Variants in ARHGAP6 observed in about 807,000 individuals in gnomAD.
ARHGAP6 encodes the protein rho GTPase-activating protein 6.
A neutral mutation model predicts 55.7 loss-of-function variants in ARHGAP6; 16 were observed. The ratio of observed to expected loss-of-function variants is 0.29; its 90% CI spans 0.19 to 0.44. The LOEUF is 0.44. Among genes scored for constraint, ARHGAP6 ranks in the 20% least tolerant of loss-of-function variants. The pLI is 1.00. For synonymous variants in ARHGAP6, 382 were observed against 360.9 expected, an observed-to-expected ratio of 1.06 and a Z score of -0.66; for missense variants, 698 against 808.9, an observed-to-expected ratio of 0.86 and a Z score of 1.66.
chrX:11,399,476 A>T (rs1172591719), intron 1 of ARHGAP6, among the ~76,000 whole-genome samples: 1 of 111,451 alleles, frequency 9.0e-6, no homozygotes, highest in Non-Finnish European at 1.9e-5. Context: ...GGGATAATCA[A>T]TCCTGAGGAC....
chrX:11,429,097 T>C (rs892982527), intron 1 of ARHGAP6, among the ~76,000 whole-genome samples: 1 of 112,414 alleles, frequency 8.9e-6, no homozygotes, highest in African/African-American at 3.2e-5. Flanking sequence ...AAACCAACTG[T>C]AGTCTGTGCA....
At position 11,184,996 on chromosome X, in the gene ARHGAP6, T is replaced by C. The variant is rs189709771; in HGVS notation, c.1273+1240A>G. On this transcript the variant is annotated intron_variant, in intron 5 of 12. Transcript: ENST00000337414. Reference sequence around the variant, plus strand: ...CTGTACAGCATGCGACTGTGCTGAATACTGTAGGTAACTGTAACAAAATCT... The same window carrying C: ...CTGTACAGCATGCGACTGTGCTGAACACTGTAGGTAACTGTAACAAAATCT... Among the ~76,000 whole-genome samples the C allele has an allele frequency of 5.0e-4, 56 of 112,384 alleles. 1 individual carries two copies. The Middle Eastern group carries it at 0.027, about 55-fold the overall frequency.
At chrX:11,247,177 T>G (rs903865336) in intron 2 of ARHGAP6, among the ~76,000 whole-genome samples, 4 of 111,741 alleles carry the variant, frequency 3.6e-5, no homozygotes, top group Non-Finnish European at 7.5e-5. Flanking sequence ...ATTGGGGTAC[T>G]CTTTTATGAG....
Position 11,139,221 on chromosome X carries a change from A to G in ARHGAP6, c.2567T>C (p.Val856Ala), listed in dbSNP as rs1210932113. The G allele has an allele frequency of 8.3e-7, 1 of 1,200,466 alleles. No homozygotes were observed. ...TGTGGCCCGGCTCTGCAGCCCGGCCACATCCAGCTCACTCTCGCTGAGGTC... is the reference window on the plus strand; with the variant it reads ...TGTGGCCCGGCTCTGCAGCCCGGCCGCATCCAGCTCACTCTCGCTGAGGTC... ...AHDLSESELD[V>A]AGLQSRATPQ... is the part of the protein sequence containing the mutation. Residue 856 changes from valine (V) to alanine (A), a missense_variant, in exon 13 of 13, where the codon GTG becomes GCG. By Grantham distance (64) the Val-to-Ala change is moderately conservative. Coordinates refer to ENST00000337414, the MANE Select transcript of ARHGAP6 (RefSeq NM_013427.3).
At chrX:11,370,505 T>C (rs2049131500) in intron 1 of ARHGAP6, among the ~76,000 whole-genome samples, 2 of 111,784 alleles carry the variant, frequency 1.8e-5, no homozygotes, top group Non-Finnish European at 3.8e-5. Context: ...GTTCTTTCTC[T>C]CTGGGTAGAG....
chrX:11,483,881 G>T (rs1352439989), intron 1 of ARHGAP6, among the ~76,000 whole-genome samples: 1 of 111,512 alleles, frequency 9.0e-6, no homozygotes, highest in African/African-American at 3.3e-5. Flanking sequence ...TTTAGTGGAA[G>T]AAGTTAAAGC....
intron 1 of ARHGAP6, among the ~76,000 whole-genome samples, chrX:11,514,663 G>T (rs766677297): frequency 9.0e-6 from 1 of 110,933 alleles, no homozygotes; most frequent in Non-Finnish European, 1.9e-5. Context: ...GGCTTCACTC[G>T]TCTAGTTATC....
rs779309630 is a variant in ARHGAP6 at position 11,349,144 on chromosome X, A to G, written c.589-94437T>C. Reference sequence around the variant, plus strand: ...GAGACAGAGTTAGGATAAGCATTTTACTATTGGTGGGGGATTGAAAACTTA... The same window carrying G: ...GAGACAGAGTTAGGATAAGCATTTTGCTATTGGTGGGGGATTGAAAACTTA... On this transcript the variant is annotated intron_variant, in intron 1 of 12. Coordinates refer to ENST00000337414, the MANE Select transcript of ARHGAP6 (RefSeq NM_013427.3). Among the ~76,000 whole-genome samples the G allele has an allele frequency of 2.8e-4, 31 of 109,138 alleles. 1 individual carries two copies. The highest frequency in any genetic ancestry group is 4.9e-4 in the Non-Finnish European group (26 of 52,589). The allele number at this position is 109,138 out of a possible 115,157, so 94.8% of individuals were successfully genotyped here.
chrX:11,202,542 T>C (rs1247263035), intron 2 of ARHGAP6, among the ~76,000 whole-genome samples: 5 of 110,989 alleles, frequency 4.5e-5, no homozygotes, highest in Non-Finnish European at 9.4e-5. Context: ...GCATGGTGGT[T>C]CACACCTGTA....
intron 1 of ARHGAP6, among the ~76,000 whole-genome samples, chrX:11,531,819 G>A (rs2051052593): frequency 8.9e-6 from 1 of 112,346 alleles, no homozygotes; most frequent in Non-Finnish European, 1.9e-5. Flanking sequence ...TGATTACAGA[G>A]ATGAAGAAAC....
intron 1 of ARHGAP6, among the ~76,000 whole-genome samples, chrX:11,442,554 G>A (rs891434306): frequency 3.6e-5 from 4 of 111,577 alleles, no homozygotes; most frequent in South Asian, 3.8e-4. Context: ...AAACAGAAAC[G>A]GGGGAAAAAA....
At chrX:11,613,518 A>G (rs1308694410) in intron 1 of ARHGAP6, among the ~76,000 whole-genome samples, 1 of 112,238 alleles carries the variant, frequency 8.9e-6, no homozygotes, top group Non-Finnish European at 1.9e-5. Context: ...AGCTAGTTCA[A>G]TCAGCTTAGA....
chrX:11,578,920 T>C (rs906727823), intron 1 of ARHGAP6, among the ~76,000 whole-genome samples: 2 of 109,373 alleles, frequency 1.8e-5, no homozygotes, highest in Admixed American at 9.9e-5. Context: ...CTGAGCAAAC[T>C]GTCGCAAGGA....
intron 1 of ARHGAP6, among the ~76,000 whole-genome samples, chrX:11,322,363 A>ATTT (rs199560581): frequency 7.9e-4 from 84 of 106,219 alleles, no homozygotes; most frequent in African/African-American, 2.8e-3. Context: ...CTGATAGCAT[A>ATTT]TTTTTCTTTT....
chrX:11,560,465 C>T (rs2051373620), intron 1 of ARHGAP6, among the ~76,000 whole-genome samples: 1 of 112,212 alleles, frequency 8.9e-6, no homozygotes, highest in Admixed American at 9.4e-5. Context: ...AGGGAAAAGC[C>T]TATGTAGGAC....
rs180847213 is a variant in ARHGAP6 at position 11,207,112 on chromosome X, C to A, written c.749-10116G>T. On this transcript the variant is annotated intron_variant, in intron 2 of 12. Transcript: ENST00000337414. ...CCTGGAGAGACTCCACATATGCCAG[C>A]CTTCTCAAGAGTATTAAACCAAGGG... Among the ~76,000 whole-genome samples, 4 of 111,351 alleles carry A rather than the reference C, an allele frequency of 3.6e-5. No homozygotes were observed. In the East Asian group the frequency reaches 1.1e-3, roughly 31 times the overall value.
At position 11,664,717 on chromosome X, in the gene ARHGAP6, G is replaced by C; in HGVS notation, c.112C>G (p.Leu38Val). ...SKRKLRQTRSLDPALIGGCGS... is the reference protein window; with the variant it reads ...SKRKLRQTRSVDPALIGGCGS... ...CAGCCGCCGATCAGGGCCGGGTCCAGGCTGCGGGTCTGGCGCAGCTTCCTC... is the reference window on the plus strand; with the variant it reads ...CAGCCGCCGATCAGGGCCGGGTCCACGCTGCGGGTCTGGCGCAGCTTCCTC... Residue 38 changes from leucine to valine, a missense_variant, in exon 1 of 13, where the codon CTG becomes GTG. Around this residue, in one of 3 missense-constraint regions of ARHGAP6, gnomAD observed 164 missense variants for 149.2 expected, o/e 1.10. Transcript: ENST00000337414. The C allele has an allele frequency of 8.4e-7, 1 of 1,190,075 alleles. No individual in the cohort carries two copies. Among genetic ancestry groups the C allele is most frequent in the Non-Finnish European group, 1.1e-6 (1 of 886,539 alleles).
At chrX:11,581,395 C>T (rs2051664419) in intron 1 of ARHGAP6, among the ~76,000 whole-genome samples, 1 of 111,632 alleles carries the variant, frequency 9.0e-6, no homozygotes, top group South Asian at 3.7e-4. Flanking sequence ...GGAATATAAC[C>T]TAACAATTCC....
chrX:11,466,902 T>C lies in ARHGAP6; in HGVS notation c.588+197339A>G, dbSNP rs2050299037. On this transcript the variant is annotated intron_variant, in intron 1 of 12. Transcript: ENST00000337414. ...TTCCACAGAAAACAACTAGGGATGTTGGATAATGTATTTTAAAGCCCTATT... is the reference window on the plus strand; with the variant it reads ...TTCCACAGAAAACAACTAGGGATGTCGGATAATGTATTTTAAAGCCCTATT... Among the ~76,000 whole-genome samples the C allele has an allele frequency of 3.6e-5, 4 of 112,257 alleles. No homozygotes were observed. In the Admixed American group the frequency reaches 3.8e-4, roughly 11 times the overall value.
Sources: gnomAD v4.1 joint callset for allele counts (sites outside exome capture counted in the v4.1 genomes callset) on GRCh38, gnomAD v4.1.1 for gene constraint, gnomAD v4.1.1 regional missense constraint, MANE v1.5 for transcripts, NCBI Gene and HGNC (gene_info 2026-07-23, HGNC 2026-07-21) for gene names.